Variants in HDX observed in about 807,000 individuals in gnomAD.
HDX encodes highly divergent homeobox.
A neutral mutation model predicts 45.2 loss-of-function variants in HDX; 19 were observed. That is an observed-to-expected ratio of 0.42 (90% CI 0.29 to 0.62). The LOEUF (loss-of-function observed/expected upper bound fraction) is 0.62, where lower values mean the gene tolerates loss of function less well. Ranked by LOEUF, HDX falls within the 20% of genes least tolerant of loss-of-function variation. The pLI is 0.20. For synonymous variants in HDX, 188 were observed against 172.8 expected (o/e 1.09, Z -0.69); for missense variants, 532 against 493.9 (o/e 1.08, Z -0.73).
intron 5 of HDX, among the ~76,000 whole-genome samples, chrX:84,436,738 C>T (rs188514488): frequency 1.6e-3 from 183 of 111,539 alleles, no homozygotes; most frequent in African/African-American, 5.6e-3. Context: ...TGTCTGTGTC[C>T]TAACCTATAG....
chrX:84,459,595 A>G (rs1382477819), intron 4 of HDX, among the ~76,000 whole-genome samples: 1 of 111,627 alleles, frequency 9.0e-6, no homozygotes, highest in Admixed American at 9.5e-5. Context: ...TTCAAAAAGT[A>G]GAGAAAATTT....
intron 8 of HDX, among the ~76,000 whole-genome samples, chrX:84,334,094 A>T (rs919672140): frequency 1.8e-5 from 2 of 111,272 alleles, no homozygotes; most frequent in African/African-American, 6.5e-5. Flanking sequence ...TTTCTACAAT[A>T]TCCCTAACAA....
intron 6 of HDX, among the ~76,000 whole-genome samples, chrX:84,346,642 G>GT (rs34319638): frequency 4.9e-4 from 54 of 111,077 alleles, no homozygotes; most frequent in Non-Finnish European, 9.5e-4. Context: ...GGGAAGTGCA[G>GT]TTTTTTCAAG....
chrX:84,349,391 TTATA>T (rs199554699), intron 6 of HDX, among the ~76,000 whole-genome samples: 12 of 93,956 alleles, frequency 1.3e-4, no homozygotes, highest in African/African-American at 4.4e-4. Context: ...TATTTAAAAA[TTATA>T]TATATATATG....
Position 84,321,781 on chromosome X carries a change from A to G in HDX, c.*108T>C. 1 of 594,562 alleles carries G rather than the reference A, an allele frequency of 1.7e-6. No individual in the cohort carries two copies. Among genetic ancestry groups the G allele is most frequent in the Non-Finnish European group, 2.5e-6 (1 of 393,512 alleles). The allele number at this position is 594,562 out of a possible 1,213,427, so 49.0% of individuals were successfully genotyped here. A position where few individuals can be genotyped will look rare whatever the true frequency, so the allele number is the denominator to read the frequency against. On this transcript the variant is annotated 3_prime_UTR_variant, in exon 11 of 11. Transcript: ENST00000373177. ...TTCACAGAATACGTCCGTTTCAACA[A>G]TGTGTTTTCCCAACTAAAGAATACC...
rs769984647 is a variant in HDX at position 84,480,969 on chromosome X, A to G, written c.1-5572T>C. 2.7e-5 allele frequency among the ~76,000 whole-genome samples: 3 copies of G among 111,328 alleles called. No individual in the cohort carries two copies. The South Asian group carries it at 1.1e-3, about 41-fold the overall frequency. On this transcript the variant is annotated intron_variant, in intron 2 of 10. Coordinates refer to ENST00000373177, the MANE Select transcript of HDX (RefSeq NM_001177479.2). ...AAATCACCAATGAAACCATCTGAAC[A>G]TGGAGTTTTCTTTGTGGGAATGTTT...
At chrX:84,488,322 AAAACACAC>A (rs1230754341) in intron 1 of HDX, among the ~76,000 whole-genome samples, 190 bp from the exon 2 acceptor site, 14 of 46,028 alleles carry the variant, frequency 3.0e-4, no homozygotes, top group Non-Finnish European at 5.5e-4. Flanking sequence ...TTTAAAATCT[AAAACACAC>A]ACACACACAC....
At chrX:84,411,095 T>C (rs776254154) in intron 5 of HDX, among the ~76,000 whole-genome samples, 8 of 111,489 alleles carry the variant, frequency 7.2e-5, no homozygotes, top group African/African-American at 1.3e-4. Context: ...TCTTATGTAT[T>C]CTTTCAAAAC....
intron 5 of HDX, among the ~76,000 whole-genome samples, chrX:84,367,862 G>T (rs2037798150): frequency 9.0e-6 from 1 of 111,550 alleles, no homozygotes; most frequent in South Asian, 3.8e-4. Context: ...GGGTGTGGGG[G>T]TAAGGGAGGG....
chrX:84,461,942 C>G (rs920671067), intron 4 of HDX, among the ~76,000 whole-genome samples: 2 of 111,990 alleles, frequency 1.8e-5, no homozygotes, highest in African/African-American at 6.5e-5. Context: ...AATCATTGGA[C>G]AATTGCAAAT....
chrX:84,428,739 C>T (rs2039440236), intron 5 of HDX, among the ~76,000 whole-genome samples: 1 of 110,677 alleles, frequency 9.0e-6, no homozygotes, highest in Admixed American at 9.7e-5. Context: ...TATCAATTTG[C>T]TATTTTATGA....
At chrX:84,357,403 T>C (rs1034775471) in intron 6 of HDX, among the ~76,000 whole-genome samples, 2 of 111,668 alleles carry the variant, frequency 1.8e-5, no homozygotes. Flanking sequence ...ATCAAAAGCA[T>C]AAATTAAGTA....
intron 5 of HDX, among the ~76,000 whole-genome samples, chrX:84,419,960 C>T (rs1382323918): frequency 2.7e-5 from 3 of 111,828 alleles, no homozygotes; most frequent in Non-Finnish European, 3.8e-5. Context: ...TGTTAAAGGG[C>T]TTCAGGTGCC....
chrX:84,383,280 G>T (rs2038232376), intron 5 of HDX, among the ~76,000 whole-genome samples: 1 of 110,626 alleles, frequency 9.0e-6, no homozygotes, highest in Non-Finnish European at 1.9e-5. Flanking sequence ...CTATTCCTAG[G>T]TAATTTTGTA....
At chrX:84,471,327 G>T (rs1250389520) in intron 3 of HDX, among the ~76,000 whole-genome samples, 1 of 105,413 alleles carries the variant, frequency 9.5e-6, no homozygotes, top group African/African-American at 3.4e-5. Context: ...ACAGGTAAAA[G>T]AAAAAAATAA....
intron 9 of HDX, among the ~76,000 whole-genome samples, chrX:84,333,221 T>C (rs749221197): frequency 5.4e-5 from 6 of 111,232 alleles, no homozygotes; most frequent in Non-Finnish European, 1.1e-4. Flanking sequence ...TAAAATAATA[T>C]GTATAGCACC....
chrX:84,472,140 C>T (rs2040465965), intron 3 of HDX, among the ~76,000 whole-genome samples: 1 of 109,362 alleles, frequency 9.1e-6, no homozygotes, highest in African/African-American at 3.3e-5. Context: ...CTATTGTGTT[C>T]TCTTCATACA....
At chrX:84,483,075 G>A (rs1457752325) in intron 2 of HDX, among the ~76,000 whole-genome samples, 4 of 111,718 alleles carry the variant, frequency 3.6e-5, no homozygotes, top group Admixed American at 2.8e-4. Flanking sequence ...AAAGGGCTTG[G>A]GCAGCTCCAA....
rs771204433 is a variant in HDX at position 84,344,290 on chromosome X, A to C, written c.1620T>G (p.Asn540Lys). ...CAGACAAACAGATGGATACTTCATC[A>C]TTTCTGTCATTATCCTCTCCTACTT... is the stretch of plus-strand genomic sequence containing the variant. ...GPEVGEDNDR[N>K]DEVSICLSEG... The change falls in exon 7 of 11, where the codon AAT becomes AAG. Residue 540 changes from asparagine (N) to lysine (K), a missense_variant. Around this residue, in one of 3 missense-constraint regions of HDX, gnomAD observed 151 missense variants for 131.8 expected, o/e 1.15. Transcript: ENST00000373177. 3 of 1,206,586 alleles carry C rather than the reference A, an allele frequency of 2.5e-6. No individual in the cohort carries two copies. Among genetic ancestry groups the C allele is most frequent in the Non-Finnish European group, 3.4e-6 (3 of 892,683 alleles).
Sources: allele counts gnomAD v4.1 joint callset (sites outside exome capture counted in the v4.1 genomes callset), GRCh38; gene constraint gnomAD v4.1.1; regional missense constraint gnomAD v4.1.1; transcripts MANE v1.5; gene names NCBI Gene and HGNC (gene_info 2026-07-23, HGNC 2026-07-21).